The following MTHFD1L variants were observed in gnomAD, a reference collection of about 807,000 sequenced individuals.
The protein encoded by MTHFD1L is monofunctional C1-tetrahydrofolate synthase, mitochondrial.
In MTHFD1L, 81 loss-of-function variants were observed where a neutral mutation model predicts 119.5. The observed-to-expected ratio is 0.68, with a 90% confidence interval of 0.57 to 0.82. The LOEUF (loss-of-function observed/expected upper bound fraction) is 0.82. MTHFD1L is among the 40% of genes least tolerant of loss of function. MTHFD1L has a pLI of 0.00. For synonymous variants in MTHFD1L, 430 were observed against 475.2 expected (o/e 0.90, Z 1.24); for missense variants, 1,125 against 1,253.4 (o/e 0.90, Z 1.55).
rs118099637 is a variant in MTHFD1L, at chr6:151,064,959, G to A, written c.2848-27508G>A. Among the ~76,000 whole-genome samples, 1,576 of 151,944 alleles carry A rather than the reference G, an allele frequency of 0.01. 43 individuals are homozygous for A. The South Asian group carries it at 0.1, about 10-fold the overall frequency. On this transcript the variant is annotated intron_variant, in intron 26 of 27. Coordinates refer to ENST00000367321, the MANE Select transcript of MTHFD1L (RefSeq NM_015440.5). ...GCTGGGATTACAGGCGTGCCACTAC[G>A]CCCAGCTAATTTGCTTGTATTTTTA...
chr6:150,982,810 C>T (rs1777729226), intron 20 of MTHFD1L, among the ~76,000 whole-genome samples: 1 of 151,996 alleles, frequency 6.6e-6, no homozygotes, highest in South Asian at 2.1e-4. Flanking sequence ...AGCAATTCTC[C>T]TGCCTCAGCC....
intron 24 of MTHFD1L, among the ~76,000 whole-genome samples, chr6:151,030,086 A>G (rs1274884222): frequency 6.6e-6 from 1 of 152,218 alleles, no homozygotes; most frequent in Admixed American, 6.5e-5. Flanking sequence ...TTTGTATAGC[A>G]TGACGTTTAC....
chr6:150,909,183 C>A (rs1786442260), intron 8 of MTHFD1L, among the ~76,000 whole-genome samples: 1 of 151,442 alleles, frequency 6.6e-6, no homozygotes, highest in Non-Finnish European at 1.5e-5. Context: ...TCTGTTCACT[C>A]TACTATTGCA....
intron 7 of MTHFD1L, chr6:150,898,832 T>TTAC: frequency 2.7e-6 from 1 of 367,668 alleles, no homozygotes; most frequent in Admixed American, 3.9e-5. Flanking sequence ...GGGAAGATTA[T>TTAC]TATTATTATT....
At chr6:150,918,332 G>T (rs1788339788) in intron 8 of MTHFD1L, among the ~76,000 whole-genome samples, 1 of 152,158 alleles carries the variant, frequency 6.6e-6, no homozygotes, top group Admixed American at 6.5e-5. Flanking sequence ...CAAAGTGCTG[G>T]GATTACAGGT....
At chr6:151,060,683 CT>C (rs1235326256) in intron 26 of MTHFD1L, among the ~76,000 whole-genome samples, 1 of 152,184 alleles carries the variant, frequency 6.6e-6, no homozygotes, top group Non-Finnish European at 1.5e-5. Context: ...GAGAACATTG[CT>C]GTAAGCCTTT....
chr6:151,092,604 C>T lies in MTHFD1L; in HGVS notation c.*31+17C>T. On this transcript the variant is annotated intron_variant, in intron 27 of 27. Transcript: ENST00000367321. ...CCGATGCAGGTAGGCTGATGTGCTT[C>T]AACTTTTTCTCTCTTTGTTTTTTTC... is the stretch of plus-strand genomic sequence containing the variant. 6.8e-7 allele frequency: 1 copy of T among 1,475,502 alleles called. No homozygotes were observed. Among genetic ancestry groups the T allele is most frequent in the South Asian group, 1.2e-5 (1 of 82,834 alleles). The allele number at this position is 1,475,502 out of a possible 1,614,324, so 91.4% of individuals were successfully genotyped here.
chr6:151,030,932 G>A (rs1785259306), intron 24 of MTHFD1L, among the ~76,000 whole-genome samples: 1 of 152,228 alleles, frequency 6.6e-6, no homozygotes, highest in African/African-American at 2.4e-5. Flanking sequence ...TGTAATCCCA[G>A]CAACCTGGGA....
chr6:150,896,904 G>A (rs1199371546), intron 7 of MTHFD1L, among the ~76,000 whole-genome samples: 4 of 151,910 alleles, frequency 2.6e-5, no homozygotes, highest in Middle Eastern at 6.8e-3. Context: ...GTCAGGAATC[G>A]AGACCATCCT....
At chr6:150,940,162 G>A (rs542795902) in intron 13 of MTHFD1L, among the ~76,000 whole-genome samples, 14 of 152,074 alleles carry the variant, frequency 9.2e-5, no homozygotes, top group Non-Finnish European at 1.8e-4. Flanking sequence ...GGCGAGTTGC[G>A]GGCCTTTCTT....
At chr6:151,021,836 A>G (rs142100568) in intron 24 of MTHFD1L, among the ~76,000 whole-genome samples, 1 of 152,342 alleles carries the variant, frequency 6.6e-6, no homozygotes, top group East Asian at 1.9e-4. Flanking sequence ...CATTTTTGCA[A>G]AGAAGGAGGT....
intron 26 of MTHFD1L, among the ~76,000 whole-genome samples, chr6:151,056,772 C>T (rs923474725): frequency 1.3e-5 from 2 of 152,182 alleles, no homozygotes; most frequent in South Asian, 4.1e-4. Context: ...TGTAGACTTA[C>T]AGCTCCAGTT....
intron 26 of MTHFD1L, among the ~76,000 whole-genome samples, chr6:151,081,362 C>T (rs1024554082): frequency 6.6e-6 from 1 of 151,986 alleles, no homozygotes; most frequent in Non-Finnish European, 1.5e-5. Context: ...ATGTAATTTT[C>T]CTGACTTGGG....
intron 13 of MTHFD1L, among the ~76,000 whole-genome samples, chr6:150,940,529 G>A (rs78378745): frequency 0.02 from 3,005 of 152,234 alleles, 101 homozygotes; most frequent in African/African-American, 0.069. Flanking sequence ...TTGGTGTCCC[G>A]CTGGTTTAGG....
chr6:150,971,185 A>G (rs1160517831), intron 19 of MTHFD1L, among the ~76,000 whole-genome samples: 1 of 152,058 alleles, frequency 6.6e-6, no homozygotes, highest in Non-Finnish European at 1.5e-5. Flanking sequence ...GGTTTTATTT[A>G]TTTATTTTTA....
intron 26 of MTHFD1L, among the ~76,000 whole-genome samples, chr6:151,072,333 G>A (rs900802550): frequency 2.6e-5 from 4 of 151,908 alleles, no homozygotes; most frequent in Non-Finnish European, 4.4e-5. Context: ...GCTGAAAATC[G>A]AATTCTGTCA....
At chr6:150,988,966 C>G (rs1778696690) in intron 20 of MTHFD1L, among the ~76,000 whole-genome samples, 2 of 152,174 alleles carry the variant, frequency 1.3e-5, no homozygotes, top group Non-Finnish European at 2.9e-5. Context: ...TGTCGAACTC[C>G]TGACCTCAGG....
At chr6:150,909,531 A>T (rs1293768427) in intron 8 of MTHFD1L, among the ~76,000 whole-genome samples, 1 of 152,186 alleles carries the variant, frequency 6.6e-6, no homozygotes, top group African/African-American at 2.4e-5. Context: ...GGTGTAAACC[A>T]CCATGTCTGG....
At chr6:150,961,063 G>T (rs1012132862) in intron 18 of MTHFD1L, among the ~76,000 whole-genome samples, 4 of 148,302 alleles carry the variant, frequency 2.7e-5, no homozygotes, top group African/African-American at 9.9e-5. Context: ...TCGTCTTTCT[G>T]GTATAATAAC....
Sources: gnomAD v4.1 joint callset for allele counts (sites outside exome capture counted in the v4.1 genomes callset) on GRCh38, gnomAD v4.1.1 for gene constraint, MANE v1.5 for transcripts, NCBI Gene and HGNC (gene_info 2026-07-23, HGNC 2026-07-21) for gene names.